Variants in PLCH1 observed in about 807,000 individuals in gnomAD.
PLCH1 encodes the protein phospholipase C eta 1.
PLCH1 carries 60 observed loss-of-function variants against 126.7 expected under a neutral mutation model. The ratio of observed to expected loss-of-function variants is 0.47; its 90% CI spans 0.38 to 0.59. PLCH1 has a LOEUF of 0.59. PLCH1 is among the 20% of genes least tolerant of loss of function. The probability of loss-of-function intolerance (pLI) is 0.00; values close to 1 mark genes in which losing one functional copy is unlikely to be tolerated. For synonymous variants in PLCH1, 719 were observed against 734.9 expected (o/e 0.98, Z 0.35); for missense variants, 1,723 against 2,040.0 (o/e 0.84, Z 2.99).
chr3:155,606,962 C>G (rs1734446468), intron 2 of PLCH1, among the ~76,000 whole-genome samples: 1 of 152,192 alleles, frequency 6.6e-6, no homozygotes, highest in African/African-American at 2.4e-5. Context: ...AGGCTTCACC[C>G]TAAAGCCAAT....
At chr3:155,743,531 CA>C in intron 1 of PLCH1, 1 of 449,120 alleles carries the variant, frequency 2.2e-6, no homozygotes, top group Admixed American at 2.5e-5. Context: ...GACTCCGTCT[CA>C]AAAAAGAAAA....
intron 10 of PLCH1, among the ~76,000 whole-genome samples, chr3:155,530,713 C>T (rs192206236): frequency 1.2e-3 from 189 of 152,228 alleles, no homozygotes; most frequent in African/African-American, 4.5e-3. Context: ...AATCTGTTGA[C>T]CTCCTCAAAA....
intron 2 of PLCH1, among the ~76,000 whole-genome samples, chr3:155,604,540 T>C (rs190359696): frequency 1.4e-4 from 21 of 152,312 alleles, no homozygotes; most frequent in African/African-American, 5.1e-4. Flanking sequence ...GAGAATTCGG[T>C]CAAAGAAAGG....
At chr3:155,594,641 G>A (rs1308255018) in intron 3 of PLCH1, among the ~76,000 whole-genome samples, 1 of 152,130 alleles carries the variant, frequency 6.6e-6, no homozygotes, top group Admixed American at 6.5e-5. Flanking sequence ...GGTTAAATGT[G>A]AAACCCAGGC....
intron 2 of PLCH1, 88 bp downstream of exon 2, chr3:155,704,058 A>T: frequency 2.0e-6 from 1 of 499,712 alleles, no homozygotes; most frequent in Non-Finnish European, 3.1e-6. Context: ...CAACAATTAT[A>T]CCATATTTGC....
intron 9 of PLCH1, 81 bp from the exon 10 acceptor site, chr3:155,550,039 G>A: frequency 2.1e-6 from 2 of 963,074 alleles, no homozygotes; most frequent in Middle Eastern, 4.4e-4. Context: ...AGTATTCACT[G>A]TGTTGTTACA....
intron 1 of PLCH1, among the ~76,000 whole-genome samples, chr3:155,724,813 T>TTGTGTGTGTGTGTGTGTGTG (rs60805589): frequency 7.8e-5 from 11 of 140,158 alleles, no homozygotes; most frequent in African/African-American, 3.0e-4. Context: ...TTGGGGGGTT[T>TTGTGTGTGTGTGTGTGTGTG]TGTGTGTGTG....
At chr3:155,473,965 T>A (rs1450430559) in intron 21 of PLCH1, among the ~76,000 whole-genome samples, 1 of 150,808 alleles carries the variant, frequency 6.6e-6, no homozygotes, top group African/African-American at 2.4e-5. Flanking sequence ...CCTAAAACCA[T>A]AAAAACCCTA....
chr3:155,475,737 T>A (rs767675109), downstream of PLCH1, among the ~76,000 whole-genome samples: 5 of 152,044 alleles, frequency 3.3e-5, no homozygotes, highest in Non-Finnish European at 5.9e-5. Flanking sequence ...TTTCTAGATA[T>A]ATAAAACCTA....
rs183736431 is a variant in PLCH1 at position 155,692,237 on chromosome 3, C to T, written c.79+11909G>A. The stretch of plus-strand genomic sequence containing the variant: ...CAGCATATCACTTCCCCCTTCCTCT[C>T]TGCAAATAGTCTATAAAGTCAAGAT... On this transcript the variant is annotated intron_variant, in intron 2 of 22. Transcript: ENST00000460012. Among the ~76,000 whole-genome samples the T allele has an allele frequency of 2.0e-5, 3 of 152,270 alleles. No individual in the cohort carries two copies. In the East Asian group the frequency reaches 5.8e-4, roughly 29 times the overall value.
intron 6 of PLCH1, among the ~76,000 whole-genome samples, chr3:155,569,563 A>G (rs7649158): frequency 2.6e-4 from 39 of 152,270 alleles, no homozygotes; most frequent in African/African-American, 9.4e-4. Context: ...AAGTATTATA[A>G]ATAAATGAAA....
chr3:155,741,684 C>CTTTTTTTTT (rs71624571), intron 1 of PLCH1, among the ~76,000 whole-genome samples: 1,687 of 102,690 alleles, frequency 0.016, 56 homozygotes, highest in African/African-American at 0.034. Context: ...TTTATATCCT[C>CTTTTTTTTT]TTTTTTTTTT....
intron 4 of PLCH1, 29 bp downstream of exon 4, chr3:155,593,912 A>G: frequency 6.2e-7 from 1 of 1,609,608 alleles, no homozygotes; most frequent in Non-Finnish European, 8.5e-7. Context: ...AGCAAGAGAG[A>G]GCTGAAAATA....
intron 8 of PLCH1, among the ~76,000 whole-genome samples, chr3:155,559,576 G>C (rs1727302369): frequency 6.6e-6 from 1 of 152,114 alleles, no homozygotes; most frequent in Non-Finnish European, 1.5e-5. Flanking sequence ...TCCAGTTATA[G>C]ATTATTCTAA....
At chr3:155,529,042 G>A (rs1722320194) in intron 10 of PLCH1, among the ~76,000 whole-genome samples, 1 of 152,104 alleles carries the variant, frequency 6.6e-6, no homozygotes, top group African/African-American at 2.4e-5. Context: ...TACTCCAAAG[G>A]AAAATTATAA....
chr3:155,454,168 C>T (rs186928104), intron 21 of PLCH1, among the ~76,000 whole-genome samples: 2 of 152,228 alleles, frequency 1.3e-5, no homozygotes, highest in Non-Finnish European at 1.5e-5. Flanking sequence ...AGCAAATGGG[C>T]TTGCTATCTG....
At chr3:155,626,507 T>C (rs1433177915) in intron 2 of PLCH1, among the ~76,000 whole-genome samples, 1 of 152,104 alleles carries the variant, frequency 6.6e-6, no homozygotes, top group Non-Finnish European at 1.5e-5. Context: ...CTGTGGCTCA[T>C]GCCTGTAACC....
chr3:155,644,148 C>T (rs1256121624), intron 2 of PLCH1, among the ~76,000 whole-genome samples: 2 of 152,132 alleles, frequency 1.3e-5, no homozygotes, highest in African/African-American at 4.8e-5. Context: ...AAGGAAAAAA[C>T]ATTACATGGG....
chr3:155,481,068 T>C lies in PLCH1; in HGVS notation c.4958A>G (p.His1653Arg). The change falls in exon 23 of 23, where the codon CAC (histidine) becomes CGC (arginine). Residue 1653 changes from histidine (H) to arginine (R), a missense_variant. By Grantham distance (29) the His-to-Arg change is conservative (BLOSUM62 0). Coordinates refer to ENST00000460012, the MANE Select transcript of PLCH1 (RefSeq NM_014996.4). This position sits in a 1 kb window ranked among gnomAD's most constrained non-coding sequence, Gnocchi z 4.2. ...GIPEGACTAL[H>R]YGHVDQFCSD... ...ACAAAACTGGTCAACGTGGCCATAG[T>C]GAAGAGCCGTGCATGCCCCCTCTGG... 6.2e-7 allele frequency: 1 copy of C among 1,614,118 alleles called. No homozygotes were observed.
Sources: allele counts gnomAD v4.1 joint callset (sites outside exome capture counted in the v4.1 genomes callset), GRCh38; gene constraint gnomAD v4.1.1; non-coding constraint Gnocchi (gnomAD v3.1); transcripts MANE v1.5; gene names NCBI Gene and HGNC (gene_info 2026-07-23, HGNC 2026-07-21).